STK3: variants seen among roughly 807,000 people sequenced by gnomAD.
The protein encoded by STK3 is serine/threonine-protein kinase 3.
Under a neutral mutation model 58.0 loss-of-function variants are expected in STK3, and 41 were observed. That is an observed-to-expected ratio of 0.71 (90% CI 0.55 to 0.92). The LOEUF is 0.92. Ranked by LOEUF, STK3 falls within the 40% of genes least tolerant of loss-of-function variation. The pLI is 0.00. For synonymous variants in STK3, 170 were observed against 191.0 expected (o/e 0.89, Z 0.91); for missense variants, 479 against 602.7 (o/e 0.79, Z 2.15).
At chr8:98,603,770 G>A (rs189939540) in intron 6 of STK3, among the ~76,000 whole-genome samples, 1 of 151,596 alleles carries the variant, frequency 6.6e-6, no homozygotes, top group East Asian at 2.0e-4. Flanking sequence ...AAGGGAAGAA[G>A]GAAAGGAAGG....
intron 6 of STK3, among the ~76,000 whole-genome samples, chr8:98,630,080 C>T (rs985721495): frequency 1.3e-5 from 2 of 152,134 alleles, no homozygotes; most frequent in Non-Finnish European, 2.9e-5. Flanking sequence ...AAAGGCTCTC[C>T]CCCATGATTT....
chr8:98,683,638 T>C (rs1046898060), intron 6 of STK3, among the ~76,000 whole-genome samples: 1 of 151,962 alleles, frequency 6.6e-6, no homozygotes, highest in Non-Finnish European at 1.5e-5. Flanking sequence ...ATAGATAAGG[T>C]GATATGAGAA....
At chr8:98,804,299 G>A (rs543675254) in intron 1 of STK3, among the ~76,000 whole-genome samples, 1 of 152,144 alleles carries the variant, frequency 6.6e-6, no homozygotes, top group African/African-American at 2.4e-5. Flanking sequence ...ACCACACCTG[G>A]CCAAACAAGC....
chr8:98,909,307 TC>T (rs1839043617), intron 1 of STK3, among the ~76,000 whole-genome samples: 1 of 152,248 alleles, frequency 6.6e-6, no homozygotes, highest in African/African-American at 2.4e-5. Flanking sequence ...GACCTTTTTT[TC>T]AGTAGATAAT....
At chr8:98,371,426 C>T (rs1817609804) in exon 3 of STK3, 1 of 152,304 alleles carries the variant, frequency 6.6e-6, no homozygotes, top group Admixed American at 6.5e-5. Context: ...TGAAATAATA[C>T]TCCTAAGGTT....
chr8:98,745,012 C>T (rs907201472), intron 4 of STK3, among the ~76,000 whole-genome samples: 3 of 152,194 alleles, frequency 2.0e-5, no homozygotes, highest in African/African-American at 4.8e-5. Context: ...AAGAGTGACA[C>T]CATTTCAAAG....
intron 4 of STK3, among the ~76,000 whole-genome samples, chr8:98,738,865 G>A (rs1170321000): frequency 6.6e-6 from 1 of 152,208 alleles, no homozygotes; most frequent in Non-Finnish European, 1.5e-5. Context: ...GAGGGCACCT[G>A]GAAAATCGGG....
At chr8:98,856,730 T>A (rs1012257759) in intron 3 of STK3, among the ~76,000 whole-genome samples, 10 of 152,190 alleles carry the variant, frequency 6.6e-5, no homozygotes, top group African/African-American at 2.2e-4. Context: ...AATAAAAACA[T>A]CTGTCCACAC....
chr8:98,379,888 A>G (rs1817715244), intron 1 of STK3, among the ~76,000 whole-genome samples: 1 of 152,240 alleles, frequency 6.6e-6, no homozygotes, highest in Admixed American at 6.5e-5. Context: ...AAAGATATGG[A>G]AACAACACAG....
intron 1 of STK3, among the ~76,000 whole-genome samples, chr8:98,936,281 A>G (rs566551219): frequency 6.6e-6 from 1 of 152,290 alleles, no homozygotes; most frequent in South Asian, 2.1e-4. Context: ...AGAGGGTTCA[A>G]CAAGCAACAT....
At chr8:98,464,565 GAAAGAAAGAAAGA>G (rs1820313980) in intron 10 of STK3, among the ~76,000 whole-genome samples, 2 of 86,802 alleles carry the variant, frequency 2.3e-5, no homozygotes, top group African/African-American at 8.7e-5. Context: ...AAAAAAAAAA[GAAAGAAAGAAAGA>G]AAAAAAAAGA....
intron 6 of STK3, among the ~76,000 whole-genome samples, chr8:98,606,772 T>A (rs1816805890): frequency 6.6e-6 from 1 of 152,168 alleles, no homozygotes. Flanking sequence ...TCTCAGACAA[T>A]CATATGGGTC....
chr8:98,749,404 C>A lies in STK3; in HGVS notation c.237-14G>T, dbSNP rs1404879109. On this transcript the variant is annotated splice_polypyrimidine_tract_variant and intron_variant, in intron 3 of 10. Transcript: ENST00000419617. Reference sequence around the variant, plus strand: ...ACAACATATGGGCTAAAGGAAAATACATAAACAATTAAATTTAGTTAATTC... The same window carrying A: ...ACAACATATGGGCTAAAGGAAAATAAATAAACAATTAAATTTAGTTAATTC... The A allele has an allele frequency of 1.4e-6, 2 of 1,403,408 alleles. No homozygotes were observed. The highest frequency in any genetic ancestry group is 1.9e-6 in the Non-Finnish European group (2 of 1,031,708). The allele number at this position is 1,403,408 out of a possible 1,614,324, so 86.9% of individuals were successfully genotyped here.
chr8:98,578,721 CAT>C (rs1813609828), intron 8 of STK3, among the ~76,000 whole-genome samples: 1 of 152,082 alleles, frequency 6.6e-6, no homozygotes, highest in Admixed American at 6.6e-5. Context: ...ATCAGTAAAA[CAT>C]AAAATAATAC....
chr8:98,583,649 T>C (rs1412728355), intron 7 of STK3, among the ~76,000 whole-genome samples: 2 of 152,200 alleles, frequency 1.3e-5, no homozygotes, highest in Admixed American at 6.5e-5. Context: ...TTCAAGGTTA[T>C]TTCCTTGAGA....
intron 3 of STK3, 60 bp downstream of exon 3, chr8:98,767,183 T>C (rs1358669232): frequency 4.1e-6 from 6 of 1,466,866 alleles, no homozygotes; most frequent in Non-Finnish European, 5.4e-6. Context: ...AATTTTGTTA[T>C]ATTTTATTAG....
At chr8:98,925,505 G>A (rs1839755036) in intron 1 of STK3, among the ~76,000 whole-genome samples, 1 of 152,214 alleles carries the variant, frequency 6.6e-6, no homozygotes, top group South Asian at 2.1e-4. Flanking sequence ...AGGGACTCAG[G>A]TTTTGAGGTA....
In STK3 at chr8:98,408,363, T is replaced by C. The variant is rs78563623; in HGVS notation, n.484-6850A>G. On this transcript the variant is annotated intron_variant and non_coding_transcript_variant, in intron 3 of 3. Transcript: ENST00000517832. ...TAATAAGCTAAATTTGATTCTGGCA[T>C]AAAAATGCAATGGCTAAGATTCAGT... Among the ~76,000 whole-genome samples, 187 of 152,296 alleles carry C rather than the reference T, an allele frequency of 1.2e-3. 6 individuals carry two copies. In the East Asian group the frequency reaches 0.025, roughly 21 times the overall value.
intron 10 of STK3, among the ~76,000 whole-genome samples, chr8:98,467,524 A>G (rs1394298864): frequency 6.7e-6 from 1 of 148,742 alleles, no homozygotes; most frequent in Non-Finnish European, 1.5e-5. Flanking sequence ...GTCATAGTAC[A>G]CATCTATTAA....
Sources: gnomAD v4.1 joint callset for allele counts (sites outside exome capture counted in the v4.1 genomes callset) on GRCh38, gnomAD v4.1.1 for gene constraint, MANE v1.5 for transcripts, NCBI Gene and HGNC (gene_info 2026-07-23, HGNC 2026-07-21) for gene names.